Variants in ASTN2 observed in about 807,000 individuals in gnomAD.
ASTN2 encodes astrotactin 2, also known as astrotactin-2.
In ASTN2, 54 loss-of-function variants were observed where a neutral mutation model predicts 139.8. The ratio of observed to expected loss-of-function variants is 0.39; its 90% confidence interval spans 0.31 to 0.48. ASTN2 has a LOEUF of 0.48. Among genes scored for constraint, ASTN2 ranks in the 20% least tolerant of loss-of-function variants. The pLI is 0.95. For synonymous variants in ASTN2, 756 were observed against 719.5 expected, an observed-to-expected ratio of 1.05 and a Z score of -0.81; for missense variants, 1,565 against 1,725.1, an observed-to-expected ratio of 0.91 and a Z score of 1.64.
At chr9:116,998,141 G>T (rs536286612) in intron 7 of ASTN2, among the ~76,000 whole-genome samples, 1 of 152,160 alleles carries the variant, frequency 6.6e-6, no homozygotes, top group South Asian at 2.1e-4. Flanking sequence ...TTCGTTAATC[G>T]ATAATAAGTT....
chr9:117,040,031 G>T, intron 5 of ASTN2, 66 bp from the exon 6 acceptor site: 1 of 1,459,164 alleles, frequency 6.9e-7, no homozygotes, highest in South Asian at 1.4e-5. Context: ...TTGGCATCAA[G>T]TTTGGGAATT....
chr9:117,414,906 G>A lies in ASTN2; in HGVS notation c.33C>T (p.Gly11=). The A allele has an allele frequency of 1.5e-6, 1 of 656,108 alleles. No homozygotes were observed. The highest frequency in any genetic ancestry group is 6.9e-5 in the South Asian group (1 of 14,486). The allele number at this position is 656,108 out of a possible 1,614,324, so 40.6% of individuals were successfully genotyped here. ...GCCGCCCCCGGAGCCCCGAGCCGGGGCCGGGGCTGAGCCGGGCGCCGGCGG... is the reference window on the plus strand; with the variant it reads ...GCCGCCCCCGGAGCCCCGAGCCGGGACCGGGGCTGAGCCGGGCGCCGGCGG... MAAAGARLSP[G]PGSGLRGRPR... is the part of the protein sequence containing the mutation. Residue 11 remains glycine, a synonymous_variant, in exon 1 of 23, where the codon GGC becomes GGT. Transcript: ENST00000313400. This position sits in a 1 kb window ranked among gnomAD's most constrained non-coding sequence, Gnocchi z 4.2.
chr9:116,699,456 A>G lies in ASTN2; in HGVS notation c.2806+26315T>C. On this transcript the variant is annotated intron_variant, in intron 16 of 22. Coordinates refer to ENST00000313400, the MANE Select transcript of ASTN2 (RefSeq NM_001365068.1). The surrounding 1 kb of genome is among the most constrained non-coding windows in gnomAD (Gnocchi z 4.2). ...CCAGATTAGCCACTTCTTCTCGGAGAATGAGGATTTCCGCTGCATTGCTGG... is the reference window on the plus strand; with the variant it reads ...CCAGATTAGCCACTTCTTCTCGGAGGATGAGGATTTCCGCTGCATTGCTGG... 6.2e-7 allele frequency: 1 copy of G among 1,614,080 alleles called. No homozygotes were observed.
intron 13 of ASTN2, among the ~76,000 whole-genome samples, chr9:116,748,498 A>G (rs975640742): frequency 6.6e-6 from 1 of 152,188 alleles, no homozygotes; most frequent in Admixed American, 6.5e-5. Flanking sequence ...TTCCAGTTCA[A>G]TTAGGATCTT....
intron 13 of ASTN2, among the ~76,000 whole-genome samples, chr9:116,785,891 T>C (rs949631861): frequency 6.6e-6 from 1 of 152,176 alleles, no homozygotes; most frequent in African/African-American, 2.4e-5. Flanking sequence ...ATTATAGACC[T>C]TTTCTGCTCA....
chr9:117,037,573 G>C (rs1196378701), intron 6 of ASTN2, among the ~76,000 whole-genome samples: 1 of 152,138 alleles, frequency 6.6e-6, no homozygotes, highest in African/African-American at 2.4e-5. Context: ...TCCAAAGCCT[G>C]TGCTCTTAGC....
intron 19 of ASTN2, among the ~76,000 whole-genome samples, chr9:116,526,494 T>C (rs1156418810): frequency 6.6e-6 from 1 of 151,992 alleles, no homozygotes; most frequent in Non-Finnish European, 1.5e-5. Context: ...CAGTGGCTCA[T>C]GCCTGTAATC....
chr9:117,238,113 G>C (rs1047215062), intron 2 of ASTN2, among the ~76,000 whole-genome samples: 4 of 152,186 alleles, frequency 2.6e-5, no homozygotes, highest in Non-Finnish European at 4.4e-5. Context: ...GGGAGAGGCT[G>C]TTTTAATAAT....
intron 22 of ASTN2, among the ~76,000 whole-genome samples, chr9:116,432,187 G>A (rs1367669020): frequency 6.6e-6 from 1 of 152,190 alleles, no homozygotes; most frequent in East Asian, 1.9e-4. Context: ...TGAGCTGAGA[G>A]GACCACTTTT....
chr9:117,279,009 A>T (rs547965389), intron 2 of ASTN2, among the ~76,000 whole-genome samples: 1 of 151,944 alleles, frequency 6.6e-6, no homozygotes, highest in South Asian at 2.1e-4. Context: ...ATTTATTTTC[A>T]CTCTATTAAA....
At chr9:116,758,680 G>C (rs1378578695) in intron 13 of ASTN2, among the ~76,000 whole-genome samples, 2 of 152,156 alleles carry the variant, frequency 1.3e-5, no homozygotes, top group African/African-American at 2.4e-5. Context: ...CATAGGCACT[G>C]TATTGGCAGC....
At chr9:117,262,663 A>G (rs974062072) in intron 2 of ASTN2, among the ~76,000 whole-genome samples, 2 of 152,126 alleles carry the variant, frequency 1.3e-5, no homozygotes, top group Non-Finnish European at 1.5e-5. Flanking sequence ...AAGTCTTTAT[A>G]CTCAGAACCT....
chr9:116,564,011 T>C (rs1853057748), intron 19 of ASTN2, among the ~76,000 whole-genome samples: 2 of 152,232 alleles, frequency 1.3e-5, no homozygotes, highest in Non-Finnish European at 2.9e-5. Context: ...TACCATAAAC[T>C]CTTTGCAAAG....
chr9:116,893,159 TCACACACACACACA>T (rs56263614), intron 10 of ASTN2, among the ~76,000 whole-genome samples: 2 of 149,232 alleles, frequency 1.3e-5, no homozygotes, highest in East Asian at 2.0e-4. Flanking sequence ...TAAAGGTGTA[TCACACACACACACA>T]CACACACACA....
At chr9:116,653,316 C>T (rs1395825007) in intron 16 of ASTN2, among the ~76,000 whole-genome samples, 1 of 152,178 alleles carries the variant, frequency 6.6e-6, no homozygotes, top group Non-Finnish European at 1.5e-5. Context: ...GGAAACTGAG[C>T]AGGCAGGGCT....
chr9:117,374,557 A>G (rs967587935), intron 1 of ASTN2, among the ~76,000 whole-genome samples: 1 of 152,136 alleles, frequency 6.6e-6, no homozygotes. Flanking sequence ...GCAAGGCTTG[A>G]AAATTAACTC....
chr9:117,038,034 A>AGTTCT (rs1188839397), intron 6 of ASTN2, among the ~76,000 whole-genome samples: 1 of 152,210 alleles, frequency 6.6e-6, no homozygotes, highest in Non-Finnish European at 1.5e-5. Flanking sequence ...AAGAGATATA[A>AGTTCT]GTTCTGAATG....
At chr9:117,201,259 C>G (rs1431971536) in intron 3 of ASTN2, among the ~76,000 whole-genome samples, 2 of 151,748 alleles carry the variant, frequency 1.3e-5, no homozygotes, top group Non-Finnish European at 2.9e-5. Context: ...TTTGATTCTT[C>G]TCTCTGTTCT....
chr9:116,536,292 T>C (rs1026260153), intron 19 of ASTN2, among the ~76,000 whole-genome samples: 1 of 151,988 alleles, frequency 6.6e-6, no homozygotes, highest in South Asian at 2.1e-4. Flanking sequence ...TTCTTTGCGA[T>C]GGGTTCAAAC....
Sources: allele counts gnomAD v4.1 joint callset (sites outside exome capture counted in the v4.1 genomes callset), GRCh38; gene constraint gnomAD v4.1.1; non-coding constraint Gnocchi (gnomAD v3.1); transcripts MANE v1.5; gene names NCBI Gene and HGNC (gene_info 2026-07-23, HGNC 2026-07-21).